Variants in PADI4 observed in about 807,000 individuals in gnomAD.
The protein encoded by PADI4 is protein-arginine deiminase type-4.
Under a neutral mutation model 75.0 loss-of-function variants are expected in PADI4, and 62 were observed. That is an observed-to-expected ratio of 0.83 (90% CI 0.67 to 1.02). The LOEUF (loss-of-function observed/expected upper bound fraction) is 1.02, where lower values mean the gene tolerates loss of function less well. Among genes scored for constraint, PADI4 ranks in the 50% least tolerant of loss-of-function variants. PADI4 has a pLI of 0.00. For synonymous variants in PADI4, 361 were observed against 348.1 expected, an observed-to-expected ratio of 1.04 and a Z score of -0.41; for missense variants, 845 against 850.5, an observed-to-expected ratio of 0.99 and a Z score of 0.08.
intron 10 of PADI4, among the ~76,000 whole-genome samples, chr1:17,348,404 C>T (rs1456598602): frequency 6.6e-6 from 1 of 152,118 alleles, no homozygotes; most frequent in Non-Finnish European, 1.5e-5. Context: ...CAGCTGGAGG[C>T]TCTGTCTTAT....
intron 1 of PADI4, among the ~76,000 whole-genome samples, chr1:17,328,548 G>A (rs2074152636): frequency 6.6e-6 from 1 of 152,000 alleles, no homozygotes; most frequent in African/African-American, 2.4e-5. Context: ...TTGGGAGGCT[G>A]AGACATGAGG....
At chr1:17,348,266 G>A (rs562234622) in intron 10 of PADI4, 9 of 422,692 alleles carry the variant, frequency 2.1e-5, no homozygotes, top group East Asian at 4.1e-5. Context: ...CTTGTCACCC[G>A]TGAGCTCAGC....
intron 2 of PADI4, among the ~76,000 whole-genome samples, chr1:17,332,067 C>T (rs12035646): frequency 0.56 from 84,559 of 151,732 alleles, 23,716 homozygotes; most frequent in East Asian, 0.59. Context: ...TATTTGCCTC[C>T]TCCAGCTTCT....
At chr1:17,340,050 G>GCACACA (rs758140461) in intron 6 of PADI4, among the ~76,000 whole-genome samples, 7,059 of 148,692 alleles carry the variant, frequency 0.047, 193 homozygotes, top group African/African-American at 0.065. Context: ...ACACACGCGC[G>GCACACA]CGCACACACA....
At chr1:17,344,196 C>T (rs1022655707) in intron 8 of PADI4, among the ~76,000 whole-genome samples, 3 of 152,118 alleles carry the variant, frequency 2.0e-5, no homozygotes, top group Admixed American at 6.5e-5. Flanking sequence ...GCATTTTGTA[C>T]CTGCCCTAGA....
intron 8 of PADI4, among the ~76,000 whole-genome samples, chr1:17,344,773 G>A (rs2074485864): frequency 6.6e-6 from 1 of 152,252 alleles, no homozygotes; most frequent in Non-Finnish European, 1.5e-5. Context: ...GATTTCCAAA[G>A]ATGTGTGGAA....
Position 17,342,378 on chromosome 1 carries a change from C to G in PADI4, c.911C>G (p.Pro304Arg). The G allele has an allele frequency of 2.5e-6, 4 of 1,613,252 alleles. No individual in the cohort carries two copies. The highest frequency in any genetic ancestry group is 3.4e-6 in the Non-Finnish European group (4 of 1,179,204). Residue 304 changes from proline (P) to arginine (R), a missense_variant, in exon 8 of 16, where the codon CCC becomes CGC. By Grantham distance (103) the Pro-to-Arg change is moderately radical. Transcript: ENST00000375448. ...APWIMTPNTQ[P>R]PQEVYACSIF... is the part of the protein sequence containing the mutation. ...TGGATCATGACCCCCAACACCCAGC[C>G]CCCGCAGGAGGTGTACGCGTGCAGG...
At chr1:17,336,109 C>T in intron 3 of PADI4, 50 bp from the exon 4 acceptor site, 1 of 1,383,400 alleles carries the variant, frequency 7.2e-7, no homozygotes, top group Non-Finnish European at 1.0e-6. Flanking sequence ...GGCTGGGTGC[C>T]CCAACCCCGG....
intron 1 of PADI4, among the ~76,000 whole-genome samples, chr1:17,309,184 A>C (rs1159840592): frequency 6.6e-6 from 1 of 151,934 alleles, no homozygotes; most frequent in Non-Finnish European, 1.5e-5. Context: ...AAAAAAAAAA[A>C]AAAAGAGCTG....
intron 15 of PADI4, among the ~76,000 whole-genome samples, chr1:17,360,937 T>C (rs1399458687): frequency 6.6e-6 from 1 of 151,048 alleles, no homozygotes; most frequent in East Asian, 2.0e-4. Flanking sequence ...AGTGCTGTCT[T>C]GATATCATCC....
chr1:17,340,089 A>G (rs1748023), intron 6 of PADI4, among the ~76,000 whole-genome samples: 5,577 of 150,844 alleles, frequency 0.037, 143 homozygotes, highest in Non-Finnish European at 0.054. Flanking sequence ...CCTCCTGGTT[A>G]TAGACTTTGA....
rs41265995 is a variant in PADI4 at position 17,342,014 on chromosome 1, G to T, written c.724G>T (p.Gly242Cys). 6.2e-7 allele frequency: 1 copy of T among 1,613,878 alleles called. No homozygotes were observed. Among genetic ancestry groups the T allele is most frequent in the East Asian group, 2.2e-5 (1 of 44,874 alleles). ...GCCCTCTCACTACCTGATGGTCCCCGGTGGAAAGCACAACATGGACTTCTA... is the reference window on the plus strand; with the variant it reads ...GCCCTCTCACTACCTGATGGTCCCCTGTGGAAAGCACAACATGGACTTCTA... ...KWPSHYLMVP[G>C]GKHNMDFYVE... is the part of the protein sequence containing the mutation. The change falls in exon 7 of 16, where the codon GGT (glycine) becomes TGT (cysteine). Residue 242 changes from glycine (G) to cysteine (C), a missense_variant. Physicochemically the swap from Gly to Cys is radical, Grantham distance 159. Coordinates refer to ENST00000375448, the MANE Select transcript of PADI4 (RefSeq NM_012387.3).
chr1:17,354,169 C>T (rs1166272451), intron 10 of PADI4, among the ~76,000 whole-genome samples: 2 of 151,986 alleles, frequency 1.3e-5, no homozygotes, highest in African/African-American at 4.8e-5. Flanking sequence ...TTCCTTGAAC[C>T]AGGGGCGGAG....
chr1:17,335,156 T>TAC (rs1254895794), intron 3 of PADI4, among the ~76,000 whole-genome samples: 2 of 92,712 alleles, frequency 2.2e-5, no homozygotes, highest in Non-Finnish European at 2.4e-5. Flanking sequence ...AATATATATA[T>TAC]ACACACACAT....
intron 1 of PADI4, among the ~76,000 whole-genome samples, chr1:17,329,291 A>T (rs973936845): frequency 6.7e-6 from 1 of 148,810 alleles, no homozygotes; most frequent in African/African-American, 2.5e-5. Flanking sequence ...ACGCCACTGC[A>T]CTCCAGCCTG....
At chr1:17,312,732 T>C (rs1404658598) in intron 1 of PADI4, among the ~76,000 whole-genome samples, 6 of 152,186 alleles carry the variant, frequency 3.9e-5, no homozygotes, top group African/African-American at 1.4e-4. Context: ...CTTTGTTCCA[T>C]GCCTGTGAAG....
At chr1:17,334,143 C>T (rs780898358) in intron 3 of PADI4, 134 bp downstream of exon 3, 3 of 647,392 alleles carry the variant, frequency 4.6e-6, no homozygotes, top group Non-Finnish European at 8.5e-6. Context: ...TGGTTTCTAG[C>T]CAGTCAGACA....
intron 6 of PADI4, among the ~76,000 whole-genome samples, chr1:17,340,827 G>T (rs2074405487): frequency 1.4e-5 from 2 of 141,018 alleles, no homozygotes; most frequent in Admixed American, 7.3e-5. Context: ...TTTTGAGAGA[G>T]TCTCACTCTG....
chr1:17,337,184 T>C (rs2074328681), intron 4 of PADI4, among the ~76,000 whole-genome samples: 1 of 152,164 alleles, frequency 6.6e-6, no homozygotes, highest in Non-Finnish European at 1.5e-5. Flanking sequence ...GATGGAGTCA[T>C]GCTCTGTCTC....
Sources: allele counts gnomAD v4.1 joint callset (sites outside exome capture counted in the v4.1 genomes callset), GRCh38; gene constraint gnomAD v4.1.1; transcripts MANE v1.5; gene names NCBI Gene and HGNC (gene_info 2026-07-23, HGNC 2026-07-21).